The following CMIP variants were observed in gnomAD, a reference collection of about 807,000 sequenced individuals.
The protein encoded by CMIP is c-Maf inducing protein.
In CMIP, 13 loss-of-function variants were observed where a neutral mutation model predicts 97.3. The observed-to-expected ratio is 0.13, with a 90% CI of 0.09 to 0.21. The LOEUF (loss-of-function observed/expected upper bound fraction) is 0.21, where lower values mean the gene tolerates loss of function less well. CMIP is among the 10% of genes least tolerant of loss of function. CMIP has a pLI of 1.00. For missense variants in CMIP, 847 were observed against 1,024.9 expected (o/e 0.83, Z 2.37); for synonymous variants, 538 against 436.3 (o/e 1.23, Z -2.91).
chr16:81,487,212 C>T (rs550155416), intron 1 of CMIP, among the ~76,000 whole-genome samples: 1 of 151,886 alleles, frequency 6.6e-6, no homozygotes, highest in African/African-American at 2.4e-5. Flanking sequence ...TCCCCACCCT[C>T]CCTTGCCTCC....
intron 3 of CMIP, among the ~76,000 whole-genome samples, chr16:81,649,055 A>C (rs144423642): frequency 6.6e-6 from 1 of 152,030 alleles, no homozygotes; most frequent in South Asian, 2.1e-4. Flanking sequence ...TCAGTAAGCC[A>C]TTTGCACTCA....
intron 10 of CMIP, among the ~76,000 whole-genome samples, chr16:81,679,994 C>T (rs977370342): frequency 6.6e-6 from 1 of 152,236 alleles, no homozygotes; most frequent in African/African-American, 2.4e-5. Flanking sequence ...AAGCTCTGCC[C>T]CACTCTCAGG....
At chr16:81,459,355 G>T (rs1906765002) in intron 1 of CMIP, among the ~76,000 whole-genome samples, 1 of 152,088 alleles carries the variant, frequency 6.6e-6, no homozygotes. Context: ...GCCCTGTGCT[G>T]TGACCCTGCG....
intron 20 of CMIP, among the ~76,000 whole-genome samples, chr16:81,709,438 C>T (rs2151113837): frequency 6.6e-6 from 1 of 152,344 alleles, no homozygotes; most frequent in Non-Finnish European, 1.5e-5. Context: ...CACGGTCACG[C>T]AGCAGCAAGT....
At chr16:81,592,173 CT>C (rs1283594218) in intron 1 of CMIP, among the ~76,000 whole-genome samples, 2 of 152,090 alleles carry the variant, frequency 1.3e-5, no homozygotes, top group Non-Finnish European at 2.9e-5. Flanking sequence ...CTGTTTACAT[CT>C]TAATTTTTTA....
intron 2 of CMIP, among the ~76,000 whole-genome samples, chr16:81,613,962 C>T (rs915815000): frequency 6.6e-6 from 1 of 152,196 alleles, no homozygotes; most frequent in African/African-American, 2.4e-5. Context: ...CTAAGTCAGA[C>T]GTGGTTCCTG....
At chr16:81,567,072 A>G (rs935290839) in intron 1 of CMIP, among the ~76,000 whole-genome samples, 3 of 152,208 alleles carry the variant, frequency 2.0e-5, no homozygotes, top group Admixed American at 1.3e-4. Context: ...TGCCATCAGT[A>G]TGTATGAGCG....
In CMIP at chr16:81,627,918, G is replaced by T. The variant is rs534163370; in HGVS notation, c.477+6992G>T. Among the ~76,000 whole-genome samples the T allele has an allele frequency of 1.3e-5, 2 of 152,154 alleles. No homozygotes were observed. The highest frequency in any genetic ancestry group is 1.3e-4 in the Admixed American group (2 of 15,282). ...GGCAAAGTGCCTGGGGCTCAGAGAG[G>T]GGAAGCCCACCTGACGGGAAGCTGA... On this transcript the variant is annotated intron_variant, in intron 3 of 20. Transcript: ENST00000537098. This position sits in a 1 kb window ranked among gnomAD's most constrained non-coding sequence, Gnocchi z 4.6.
At chr16:81,638,590 T>C (rs2092265615) in intron 3 of CMIP, among the ~76,000 whole-genome samples, 1 of 151,974 alleles carries the variant, frequency 6.6e-6, no homozygotes, top group Admixed American at 6.6e-5. Context: ...CCTCCCCTTG[T>C]CCCTTTCCTC....
At chr16:81,601,502 C>G (rs2091656792) in intron 1 of CMIP, among the ~76,000 whole-genome samples, 2 of 152,190 alleles carry the variant, frequency 1.3e-5, no homozygotes, top group South Asian at 4.1e-4. Flanking sequence ...TTCTGAAGAT[C>G]TCTGGGGGTT....
intron 20 of CMIP, among the ~76,000 whole-genome samples, chr16:81,707,514 T>G (rs1908283480): frequency 6.6e-6 from 1 of 152,008 alleles, no homozygotes; most frequent in Admixed American, 6.5e-5. Flanking sequence ...GAGCAGCGAG[T>G]CATGCTTTTC....
rs927268254 is a variant in CMIP, at chr16:81,640,386, G to A, written c.478-11817G>A. The stretch of plus-strand genomic sequence containing the variant: ...GTTGCAGAGGGCCCTGCTGCCTTCT[G>A]TGAAATGATGGGGCTGGACGGCTCA... On this transcript the variant is annotated intron_variant, in intron 3 of 20. Coordinates refer to ENST00000537098, the MANE Select transcript of CMIP (RefSeq NM_198390.3). Among the ~76,000 whole-genome samples the A allele has an allele frequency of 4.6e-5, 7 of 151,278 alleles. No individual in the cohort carries two copies. The East Asian group carries it at 9.7e-4, about 21-fold the overall frequency.
intron 8 of CMIP, 87 bp downstream of exon 8, chr16:81,670,332 C>T (rs554897643): frequency 5.1e-6 from 7 of 1,383,806 alleles, no homozygotes; most frequent in African/African-American, 2.9e-5. Flanking sequence ...GGGGGGCTGT[C>T]GTGTAATTAA....
chr16:81,501,099 C>G (rs1567546608), intron 1 of CMIP, among the ~76,000 whole-genome samples: 1 of 152,228 alleles, frequency 6.6e-6, no homozygotes, highest in African/African-American at 2.4e-5. Flanking sequence ...CTTTCTAAGA[C>G]CTACTGAGAA....
Position 81,652,586 on chromosome 16 carries a change from C to G in CMIP, c.639+222C>G, listed in dbSNP as rs1430537635. On this transcript the variant is annotated intron_variant, in intron 4 of 20. Coordinates refer to ENST00000537098, the MANE Select transcript of CMIP (RefSeq NM_198390.3). The surrounding 1 kb of genome is among the most constrained non-coding windows in gnomAD (Gnocchi z 5.2). ...TGTGCTGTCTGGGGATTGTAGGCAC[C>G]GAAGAGGAGGTGTTGCCCCGTGCAG... 6.6e-6 allele frequency among the ~76,000 whole-genome samples: 1 copy of G among 152,058 alleles called. No homozygotes were observed. Among genetic ancestry groups the G allele is most frequent in the Non-Finnish European group, 1.5e-5 (1 of 68,018 alleles).
chr16:81,512,301 G>A (rs2927304), intron 1 of CMIP, among the ~76,000 whole-genome samples: 8,140 of 152,072 alleles, frequency 0.054, 714 homozygotes, highest in African/African-American at 0.19. Flanking sequence ...GCCTTGGTGG[G>A]GGTCTTTCTT....
intron 1 of CMIP, among the ~76,000 whole-genome samples, chr16:81,486,319 C>G (rs1034775377): frequency 6.7e-6 from 1 of 149,654 alleles, no homozygotes; most frequent in Non-Finnish European, 1.5e-5. Flanking sequence ...GCATCTGTTT[C>G]GTCCATCCAC....
intron 1 of CMIP, among the ~76,000 whole-genome samples, chr16:81,504,318 T>C (rs2089665526): frequency 6.6e-6 from 1 of 150,642 alleles, no homozygotes; most frequent in Non-Finnish European, 1.5e-5. Context: ...AGAGTGAGAC[T>C]GTCTCAAAAA....
chr16:81,693,775 A>G (rs1254987089), intron 13 of CMIP, among the ~76,000 whole-genome samples: 2 of 152,198 alleles, frequency 1.3e-5, no homozygotes, highest in Non-Finnish European at 2.9e-5. Context: ...GCTCTCAACC[A>G]GCTCTGAGGC....
Sources: allele counts gnomAD v4.1 joint callset (sites outside exome capture counted in the v4.1 genomes callset), GRCh38; gene constraint gnomAD v4.1.1; non-coding constraint Gnocchi (gnomAD v3.1); transcripts MANE v1.5; gene names NCBI Gene and HGNC (gene_info 2026-07-23, HGNC 2026-07-21).